The following NXPE2 variants were observed in gnomAD, a reference collection of about 807,000 sequenced individuals.
The protein encoded by NXPE2 is neurexophilin and PC-esterase domain family member 2.
A neutral mutation model predicts 34.4 loss-of-function variants in NXPE2; 34 were observed. The ratio of observed to expected loss-of-function variants is 0.99; its 90% CI spans 0.75 to 1.31. The LOEUF is 1.31. Ranked by LOEUF, NXPE2 falls within the 40% of genes most tolerant of loss-of-function variation. NXPE2 has a pLI of 0.00. For synonymous variants in NXPE2, 235 were observed against 231.3 expected (o/e 1.02, Z -0.15); for missense variants, 649 against 672.5 (o/e 0.97, Z 0.39).
At chr11:114,724,974 A>T in the NXPE2 span, among the ~76,000 whole-genome samples, 2 of 146,800 alleles carry the variant, frequency 1.4e-5, no homozygotes, top group African/African-American at 2.5e-5. Context: ...AGAGTCTGGA[A>T]TTTTTTGAGA....
At chr11:114,749,831 C>T in the NXPE2 span, among the ~76,000 whole-genome samples, 2 of 152,132 alleles carry the variant, frequency 1.3e-5, no homozygotes, top group Non-Finnish European at 2.9e-5. Flanking sequence ...CCTCCTTCCA[C>T]GTGGATGTCT....
At chr11:114,675,300 C>A (rs552882656), upstream of NXPE2, among the ~76,000 whole-genome samples, 1 of 151,798 alleles carries the variant, frequency 6.6e-6, no homozygotes, top group African/African-American at 2.4e-5. Flanking sequence ...TACTGGAAGT[C>A]CTAGCCAGAA....
the NXPE2 span, among the ~76,000 whole-genome samples, chr11:114,632,239 T>G: frequency 7.1e-6 from 1 of 140,192 alleles, no homozygotes; most frequent in South Asian, 2.1e-4. Context: ...ATAATATATA[T>G]GTATATGTGT....
the NXPE2 span, among the ~76,000 whole-genome samples, chr11:114,481,453 C>CTTAGAACATG: frequency 6.6e-6 from 1 of 152,086 alleles, no homozygotes; most frequent in African/African-American, 2.4e-5. Flanking sequence ...TAGCGCTTTC[C>CTTAGAACATG]TTAGAACATG....
the NXPE2 span, chr11:114,512,776 G>T: frequency 1.8e-5 from 3 of 167,912 alleles, no homozygotes; most frequent in African/African-American, 7.2e-5. Context: ...CTTCTGTGCT[G>T]TGTCTCTGGT....
the NXPE2 span, among the ~76,000 whole-genome samples, chr11:114,596,471 A>C: frequency 1.3e-5 from 2 of 152,146 alleles, no homozygotes; most frequent in East Asian, 1.9e-4. Flanking sequence ...CATGCCCATC[A>C]ATCTTTCCAG....
chr11:114,587,691 T>G, the NXPE2 span, among the ~76,000 whole-genome samples: 1 of 152,302 alleles, frequency 6.6e-6, no homozygotes, highest in South Asian at 2.1e-4. Context: ...GCCCCCACTG[T>G]CTTCCCCTCC....
chr11:114,639,866 T>TAAA, the NXPE2 span, among the ~76,000 whole-genome samples: 1 of 44,488 alleles, frequency 2.2e-5, no homozygotes, highest in Non-Finnish European at 3.9e-5. Flanking sequence ...ATATTATATT[T>TAAA]TATATTAAAT....
the NXPE2 span, among the ~76,000 whole-genome samples, chr11:114,577,525 C>G: frequency 6.6e-6 from 1 of 151,976 alleles, no homozygotes; most frequent in Non-Finnish European, 1.5e-5. Context: ...CCAAACACCA[C>G]CGGTTCCCCA....
the NXPE2 span, among the ~76,000 whole-genome samples, chr11:114,496,686 C>A: frequency 6.6e-6 from 1 of 151,972 alleles, no homozygotes; most frequent in Non-Finnish European, 1.5e-5. Context: ...ATTACAATAC[C>A]CAATTACTCT....
chr11:114,587,189 G>A, the NXPE2 span, among the ~76,000 whole-genome samples: 7 of 152,082 alleles, frequency 4.6e-5, no homozygotes, highest in African/African-American at 1.2e-4. Flanking sequence ...TCAACAATGA[G>A]GGGAAAAAGG....
the NXPE2 span, among the ~76,000 whole-genome samples, chr11:114,739,695 A>G: frequency 4.6e-5 from 7 of 152,132 alleles, no homozygotes; most frequent in Non-Finnish European, 8.8e-5. Flanking sequence ...GACTCATTGC[A>G]TAACTGGAAG....
intron 2 of NXPE2, among the ~76,000 whole-genome samples, chr11:114,692,351 G>A (rs1565384690): frequency 6.6e-6 from 1 of 152,190 alleles, no homozygotes; most frequent in Non-Finnish European, 1.5e-5. Flanking sequence ...CCAGGGCTGT[G>A]TGGGTGCACC....
At chr11:114,711,923 C>T (rs1013061583), downstream of NXPE2, among the ~76,000 whole-genome samples, 2 of 152,048 alleles carry the variant, frequency 1.3e-5, no homozygotes, top group South Asian at 2.1e-4. Context: ...TGGAACAGAA[C>T]AAAAAGCCCA....
At chr11:114,739,001 C>A in the NXPE2 span, among the ~76,000 whole-genome samples, 1 of 152,106 alleles carries the variant, frequency 6.6e-6, no homozygotes, top group Admixed American at 6.5e-5. Flanking sequence ...AATGACAATG[C>A]AGTAACAAGA....
chr11:114,808,484 A>G, the NXPE2 span, among the ~76,000 whole-genome samples: 1 of 145,718 alleles, frequency 6.9e-6, no homozygotes. Flanking sequence ...AGAATCAAAT[A>G]GATGCAATAA....
the NXPE2 span, among the ~76,000 whole-genome samples, chr11:114,810,903 G>A: frequency 4.9e-4 from 74 of 152,200 alleles, no homozygotes; most frequent in African/African-American, 1.8e-3. Flanking sequence ...GTTTATAGTG[G>A]CACTATTCAC....
At chr11:114,800,843 G>T in the NXPE2 span, among the ~76,000 whole-genome samples, 1 of 137,768 alleles carries the variant, frequency 7.3e-6, no homozygotes, top group Admixed American at 7.9e-5. Flanking sequence ...CAAAAATCTT[G>T]TGTCTAGAAT....
At chr11:114,537,400 T>G in the NXPE2 span, among the ~76,000 whole-genome samples, 7 of 152,158 alleles carry the variant, frequency 4.6e-5, no homozygotes, top group African/African-American at 1.7e-4. Flanking sequence ...TCAACACTCC[T>G]ATTCAACATA....
Sources: allele counts gnomAD v4.1 joint callset (sites outside exome capture counted in the v4.1 genomes callset), GRCh38; gene constraint gnomAD v4.1.1; transcripts MANE v1.5; gene names NCBI Gene and HGNC (gene_info 2026-07-23, HGNC 2026-07-21).